Variants in PDE1A observed in about 807,000 individuals in gnomAD.
PDE1A encodes phosphodiesterase 1A.
PDE1A carries 35 observed loss-of-function variants against 61.7 expected under a neutral mutation model. The ratio of observed to expected loss-of-function variants is 0.57; its 90% CI spans 0.43 to 0.75. The LOEUF is 0.75. Among genes scored for constraint, PDE1A ranks in the 30% least tolerant of loss-of-function variants. The probability of loss-of-function intolerance (pLI) is 0.00; values close to 1 mark genes in which losing one functional copy is unlikely to be tolerated. For synonymous variants in PDE1A, 232 were observed against 213.2 expected (o/e 1.09, Z -0.77); for missense variants, 597 against 630.6 (o/e 0.95, Z 0.57).
intron 1 of PDE1A, among the ~76,000 whole-genome samples, chr2:182,359,784 C>A (rs1699395822): frequency 6.6e-6 from 1 of 152,118 alleles, no homozygotes; most frequent in South Asian, 2.1e-4. Flanking sequence ...CTATTCCCTG[C>A]ATTCATAAAC....
intron 7 of PDE1A, among the ~76,000 whole-genome samples, chr2:182,210,282 G>A (rs1357495756): frequency 6.6e-6 from 1 of 152,258 alleles, no homozygotes; most frequent in East Asian, 1.9e-4. Context: ...AGTTCCTGCT[G>A]CTCCATTCTC....
At chr2:182,657,895 G>A in the PDE1A span, among the ~76,000 whole-genome samples, 1 of 151,700 alleles carries the variant, frequency 6.6e-6, no homozygotes, top group African/African-American at 2.4e-5. Context: ...CATTTACTGT[G>A]TAACTTTGGA....
intron 1 of PDE1A, among the ~76,000 whole-genome samples, chr2:182,268,193 C>A (rs1574203527): frequency 6.6e-6 from 1 of 151,676 alleles, no homozygotes; most frequent in African/African-American, 2.4e-5. Context: ...AGTTTCTGAC[C>A]CAGAAAATTG....
chr2:182,498,850 A>C (rs1013807360), intron 2 of PDE1A, among the ~76,000 whole-genome samples: 7 of 151,826 alleles, frequency 4.6e-5, no homozygotes, highest in Non-Finnish European at 1.0e-4. Context: ...AGGCTGAGGC[A>C]GGAGAATGGC....
intron 13 of PDE1A, among the ~76,000 whole-genome samples, chr2:182,162,829 A>G (rs1691454635): frequency 6.6e-6 from 1 of 152,144 alleles, no homozygotes; most frequent in African/African-American, 2.4e-5. Flanking sequence ...CGAACCCATA[A>G]GGTAGTTATT....
the PDE1A span, among the ~76,000 whole-genome samples, chr2:182,587,201 A>AT: frequency 6.6e-6 from 1 of 152,184 alleles, no homozygotes; most frequent in Non-Finnish European, 1.5e-5. Flanking sequence ...TTTGTGTTTC[A>AT]TATTAAGGAG....
upstream of PDE1A, among the ~76,000 whole-genome samples, chr2:182,527,921 C>T (rs181492443): frequency 4.6e-5 from 7 of 152,202 alleles, no homozygotes; most frequent in East Asian, 1.9e-4. Flanking sequence ...CCTTCCACCA[C>T]GATTGTAAGG....
intron 2 of PDE1A, among the ~76,000 whole-genome samples, chr2:182,477,218 A>G (rs1687423782): frequency 1.3e-5 from 2 of 151,944 alleles, no homozygotes; most frequent in African/African-American, 4.8e-5. Flanking sequence ...AATAATTCAT[A>G]TATGTAGCCT....
intron 2 of PDE1A, among the ~76,000 whole-genome samples, chr2:182,445,708 A>G (rs1241502342): frequency 6.6e-6 from 1 of 152,108 alleles, no homozygotes. Context: ...CTAGGGCAAT[A>G]CCAATGTAAA....
At chr2:182,390,722 G>C (rs1701373370) in intron 1 of PDE1A, among the ~76,000 whole-genome samples, 2 of 152,174 alleles carry the variant, frequency 1.3e-5, no homozygotes, top group African/African-American at 4.8e-5. Flanking sequence ...GTTAAAGTGA[G>C]GGCATTGATT....
At chr2:182,596,950 T>C in the PDE1A span, among the ~76,000 whole-genome samples, 1 of 152,060 alleles carries the variant, frequency 6.6e-6, no homozygotes, top group African/African-American at 2.4e-5. Context: ...GCCCAGGAAT[T>C]TGAGTCCAGC....
chr2:182,142,858 A>T (rs1332838011), downstream of PDE1A: 1 of 152,050 alleles, frequency 6.6e-6, no homozygotes, highest in Non-Finnish European at 1.5e-5. Flanking sequence ...CTGGCCAAAA[A>T]CTCTGATAAA....
intron 2 of PDE1A, among the ~76,000 whole-genome samples, chr2:182,483,306 T>C (rs1217356197): frequency 6.6e-6 from 1 of 151,890 alleles, no homozygotes; most frequent in Non-Finnish European, 1.5e-5. Flanking sequence ...TATAGAAGAC[T>C]TGAACAACAC....
intron 1 of PDE1A, among the ~76,000 whole-genome samples, chr2:182,379,482 C>T (rs1289911403): frequency 6.6e-6 from 1 of 152,172 alleles, no homozygotes; most frequent in East Asian, 1.9e-4. Flanking sequence ...AGAATCCCAG[C>T]TGTTCAAACG....
At chr2:182,605,942 C>T in the PDE1A span, among the ~76,000 whole-genome samples, 57 of 152,272 alleles carry the variant, frequency 3.7e-4, 1 homozygote, top group South Asian at 0.01. Context: ...TCTTCCAGGT[C>T]TCATATTTTT....
At chr2:182,207,784 A>G (rs149652231) in intron 7 of PDE1A, among the ~76,000 whole-genome samples, 6 of 152,328 alleles carry the variant, frequency 3.9e-5, no homozygotes, top group East Asian at 1.9e-4. Context: ...AAATGGATTC[A>G]TGGGCCAGGC....
At chr2:182,366,741 A>G (rs972299970) in intron 1 of PDE1A, among the ~76,000 whole-genome samples, 3 of 152,006 alleles carry the variant, frequency 2.0e-5, no homozygotes, top group Non-Finnish European at 1.5e-5. Context: ...ATGGGTTACT[A>G]TGGTATCCCG....
chr2:182,147,417 T>A (rs754833633), intron 13 of PDE1A, among the ~76,000 whole-genome samples: 1 of 152,186 alleles, frequency 6.6e-6, no homozygotes, highest in Non-Finnish European at 1.5e-5. Context: ...ATGAAACATG[T>A]TTAAACATCT....
chr2:182,241,850 G>GTC (rs1690540879), intron 2 of PDE1A: 6 of 1,547,800 alleles, frequency 3.9e-6, no homozygotes, highest in Non-Finnish European at 5.2e-6. Flanking sequence ...GGATGGTTTT[G>GTC]ATTTACCCCT....
Sources: gnomAD v4.1 joint callset for allele counts (sites outside exome capture counted in the v4.1 genomes callset) on GRCh38, gnomAD v4.1.1 for gene constraint, MANE v1.5 for transcripts, NCBI Gene and HGNC (gene_info 2026-07-23, HGNC 2026-07-21) for gene names.